CSNK1G1: variants seen among roughly 807,000 people sequenced by gnomAD.
CSNK1G1 encodes casein kinase I isoform gamma-1.
In CSNK1G1, 22 loss-of-function variants were observed where a neutral mutation model predicts 59.6. That is an observed-to-expected ratio of 0.37 (90% confidence interval 0.26 to 0.53). The LOEUF is 0.53. Ranked by LOEUF, CSNK1G1 falls within the 20% of genes least tolerant of loss-of-function variation. The probability of loss-of-function intolerance (pLI) is 0.89; values close to 1 mark genes in which losing one functional copy is unlikely to be tolerated. For missense variants in CSNK1G1, 384 were observed against 519.5 expected, an observed-to-expected ratio of 0.74 and a Z score of 2.54; for synonymous variants, 179 against 177.1, an observed-to-expected ratio of 1.01 and a Z score of -0.08.
Position 64,210,379 on chromosome 15 carries a change from A to G in CSNK1G1, c.680-2785T>C, listed in dbSNP as rs544902278. Among the ~76,000 whole-genome samples, 5 of 152,292 alleles carry G rather than the reference A, an allele frequency of 3.3e-5. No homozygotes were observed. The highest frequency in any genetic ancestry group is 1.2e-4 in the African/African-American group (5 of 41,564). ...TTTCAGGAAAAAAATAAGAGTGAAA[A>G]CCAGAGCATGCTTTATTTTCATACG... On this transcript the variant is annotated intron_variant, in intron 6 of 11. Transcript: ENST00000303052. The surrounding 1 kb of genome is among the most constrained non-coding windows in gnomAD (Gnocchi z 4.2).
Position 64,216,081 on chromosome 15 carries a change from A to T in CSNK1G1, c.444+481T>A, listed in dbSNP as rs1403167850. On this transcript the variant is annotated intron_variant, in intron 5 of 11. Coordinates refer to ENST00000303052, the MANE Select transcript of CSNK1G1 (RefSeq NM_022048.5). The surrounding 1 kb of genome is among the most constrained non-coding windows in gnomAD (Gnocchi z 4.6). ...GTCTCCAAAACACTTTTTTTTTTTT[A>T]AATGAGCTGGCATGGCACCTGCAGT... Among the ~76,000 whole-genome samples the T allele has an allele frequency of 1.3e-5, 2 of 151,306 alleles. No homozygotes were observed. Among genetic ancestry groups the T allele is most frequent in the East Asian group, 1.9e-4 (1 of 5,146 alleles).
intron 3 of CSNK1G1, among the ~76,000 whole-genome samples, chr15:64,255,958 GA>G (rs1892352679): frequency 6.6e-6 from 1 of 152,174 alleles, no homozygotes; most frequent in Non-Finnish European, 1.5e-5. Context: ...AGTGTCTCAA[GA>G]CTTTCAGTAA....
chr15:64,278,302 C>T (rs1031583179), intron 2 of CSNK1G1, among the ~76,000 whole-genome samples: 24 of 151,768 alleles, frequency 1.6e-4, no homozygotes, highest in Admixed American at 1.1e-3. Flanking sequence ...CCGCCTCGGC[C>T]TCCCAAAGTG....
intron 1 of CSNK1G1, among the ~76,000 whole-genome samples, chr15:64,323,839 T>C (rs1427641506): frequency 6.6e-6 from 1 of 152,216 alleles, no homozygotes; most frequent in Non-Finnish European, 1.5e-5. Context: ...AGCCTCTCTT[T>C]TCCCAGCTGA....
At chr15:64,209,061 A>AT (rs1254627208) in intron 6 of CSNK1G1, among the ~76,000 whole-genome samples, 1 of 151,608 alleles carries the variant, frequency 6.6e-6, no homozygotes, top group Non-Finnish European at 1.5e-5. Context: ...TACTTTTTGT[A>AT]TTTTTTATAG....
At chr15:64,347,584 TAA>T (rs11456750) in intron 1 of CSNK1G1, among the ~76,000 whole-genome samples, 6 of 123,546 alleles carry the variant, frequency 4.9e-5, no homozygotes, top group Non-Finnish European at 6.5e-5. Flanking sequence ...CACTCCGTCT[TAA>T]AAAAAAAAAA....
At chr15:64,259,031 G>C in intron 3 of CSNK1G1, 170 bp downstream of exon 3, 1 of 572,606 alleles carries the variant, frequency 1.7e-6, no homozygotes, top group South Asian at 2.3e-5. Context: ...ATAGTATACA[G>C]TGATTCATCA....
In CSNK1G1 at chr15:64,349,940, A is replaced by G. The variant is rs147511066; in HGVS notation, c.-225+6048T>C. ...ATTAAAAAAAAAAAAAAAATTAAAA[A>G]TTAAAAAAATCCCAAATGAAAAGTG... On this transcript the variant is annotated intron_variant, in intron 1 of 11. Transcript: ENST00000303052. Among the ~76,000 whole-genome samples the G allele has an allele frequency of 8.4e-3, 1,273 of 151,976 alleles. 19 individuals are homozygous for G. Among genetic ancestry groups the G allele is most frequent in the African/African-American group, 0.029 (1,194 of 41,500 alleles).
rs1567378549 is a variant in CSNK1G1 at position 64,216,804 on chromosome 15, A to T, written c.293-91T>A. On this transcript the variant is annotated intron_variant, in intron 4 of 11. Transcript: ENST00000303052. The surrounding 1 kb of genome is among the most constrained non-coding windows in gnomAD (Gnocchi z 4.6). The stretch of plus-strand genomic sequence containing the variant: ...TATTAGCACTGAATAAAATATTTTT[A>T]AAAGTACAATTTGTGAGATTTCCAT... 8.3e-7 allele frequency: 1 copy of T among 1,198,974 alleles called. No individual in the cohort carries two copies. 74.3% of individuals were successfully genotyped at this position (1,198,974 alleles called of 1,614,324 possible).
chr15:64,252,224 T>C (rs997598619), intron 3 of CSNK1G1, among the ~76,000 whole-genome samples: 6 of 151,978 alleles, frequency 3.9e-5, no homozygotes, highest in Admixed American at 6.6e-5. Context: ...TAATAACATA[T>C]TCCCATGGCG....
At chr15:64,280,534 G>C (rs1894068213) in intron 2 of CSNK1G1, among the ~76,000 whole-genome samples, 1 of 152,000 alleles carries the variant, frequency 6.6e-6, no homozygotes, top group East Asian at 1.9e-4. Context: ...CTAATTTTTT[G>C]TATTTTTAGT....
intron 2 of CSNK1G1, among the ~76,000 whole-genome samples, chr15:64,295,629 C>G (rs1051301565): frequency 3.9e-5 from 6 of 152,102 alleles, no homozygotes; most frequent in African/African-American, 1.2e-4. Flanking sequence ...AAAGTAATAC[C>G]CTTACACCTA....
At chr15:64,191,288 C>T (rs1190913103) in intron 10 of CSNK1G1, among the ~76,000 whole-genome samples, 1 of 152,004 alleles carries the variant, frequency 6.6e-6, no homozygotes, top group Non-Finnish European at 1.5e-5. Flanking sequence ...TCTCGATTTC[C>T]TGACCTCATG....
chr15:64,346,182 G>C (rs1221934407), intron 1 of CSNK1G1, among the ~76,000 whole-genome samples: 1 of 151,574 alleles, frequency 6.6e-6, no homozygotes, highest in Admixed American at 6.6e-5. Flanking sequence ...AGGAATTCAA[G>C]ACCAGACTGG....
At chr15:64,278,708 G>A (rs969752352) in intron 2 of CSNK1G1, among the ~76,000 whole-genome samples, 2 of 152,134 alleles carry the variant, frequency 1.3e-5, no homozygotes, top group Non-Finnish European at 1.5e-5. Context: ...TTACAGGCAT[G>A]AGCCACCGTG....
chr15:64,174,834 AGT>A (rs1396593918), intron 11 of CSNK1G1, among the ~76,000 whole-genome samples: 2 of 152,108 alleles, frequency 1.3e-5, no homozygotes. Context: ...CAAGTCCTAC[AGT>A]GTTTACAAGG....
At chr15:64,279,903 C>T (rs1274402258) in intron 2 of CSNK1G1, among the ~76,000 whole-genome samples, 1 of 149,778 alleles carries the variant, frequency 6.7e-6, no homozygotes, top group South Asian at 2.1e-4. Flanking sequence ...ACCCAGGAGG[C>T]GGAGGTTGTG....
Position 64,200,711 on chromosome 15 carries a change from T to C in CSNK1G1, c.1107+2371A>G, listed in dbSNP as rs2082095541. ...ATATATTACTACACTTCCAACCCTA[T>C]TTCTGTTAATAATTTTGATCTCCTT... On this transcript the variant is annotated intron_variant, in intron 10 of 11. Coordinates refer to ENST00000303052, the MANE Select transcript of CSNK1G1 (RefSeq NM_022048.5). The surrounding 1 kb of genome is among the most constrained non-coding windows in gnomAD (Gnocchi z 4.3). Among the ~76,000 whole-genome samples the C allele has an allele frequency of 6.6e-6, 1 of 152,210 alleles. No individual in the cohort carries two copies. Among genetic ancestry groups the C allele is most frequent in the Non-Finnish European group, 1.5e-5 (1 of 68,024 alleles).
chr15:64,229,083 T>C (rs1257190503), intron 4 of CSNK1G1, among the ~76,000 whole-genome samples: 1 of 148,542 alleles, frequency 6.7e-6, no homozygotes. Context: ...CTTATCAACA[T>C]ATAGACCTAC....
Sources: allele counts gnomAD v4.1 joint callset (sites outside exome capture counted in the v4.1 genomes callset), GRCh38; gene constraint gnomAD v4.1.1; non-coding constraint Gnocchi (gnomAD v3.1); transcripts MANE v1.5; gene names NCBI Gene and HGNC (gene_info 2026-07-23, HGNC 2026-07-21).